RELN: variants seen among roughly 807,000 people sequenced by gnomAD.
RELN encodes the protein reelin.
Under a neutral mutation model 427.6 loss-of-function variants are expected in RELN, and 108 were observed. The observed-to-expected ratio is 0.25, with a 90% confidence interval of 0.22 to 0.30. RELN has a LOEUF of 0.30. RELN is among the 10% of genes least tolerant of loss of function. The probability of loss-of-function intolerance (pLI) is 1.00; values close to 1 mark genes in which losing one functional copy is unlikely to be tolerated. For missense variants in RELN, 3,715 were observed against 4,302.8 expected (o/e 0.86, Z 3.82); for synonymous variants, 1,524 against 1,513.4 (o/e 1.01, Z -0.16).
chr7:103,500,192 G>C (rs1371485678), intron 53 of RELN, among the ~76,000 whole-genome samples: 1 of 152,082 alleles, frequency 6.6e-6, no homozygotes, highest in Non-Finnish European at 1.5e-5. Flanking sequence ...AACTGTATTT[G>C]CTTTGCATAT....
chr7:103,668,631 T>C (rs942192184), intron 11 of RELN, among the ~76,000 whole-genome samples: 1 of 152,198 alleles, frequency 6.6e-6, no homozygotes, highest in African/African-American at 2.4e-5. Context: ...AAAATTCTTT[T>C]AAAAAAATTT....
chr7:103,943,799 G>A (rs1796162596), intron 1 of RELN, among the ~76,000 whole-genome samples: 1 of 122,446 alleles, frequency 8.2e-6, no homozygotes, highest in African/African-American at 3.2e-5. Context: ...TGTGAGCTGA[G>A]ATTATGCCAC....
At position 103,906,473 on chromosome 7, in the gene RELN, T is replaced by C. The variant is rs545272741; in HGVS notation, c.337+10602A>G. Among the ~76,000 whole-genome samples, 11 of 152,264 alleles carry C rather than the reference T, an allele frequency of 7.2e-5. No individual in the cohort carries two copies. In the South Asian group the frequency reaches 2.3e-3, roughly 32 times the overall value. ...CTTAGAATCCCCAAATATCTAAGCC[T>C]GATGAAAAGTAAGCCTAAAATAGGA... On this transcript the variant is annotated intron_variant, in intron 2 of 64. Transcript: ENST00000428762.
intron 1 of RELN, among the ~76,000 whole-genome samples, chr7:103,974,709 C>G (rs558632723): frequency 1.3e-5 from 2 of 152,114 alleles, no homozygotes; most frequent in African/African-American, 4.8e-5. Context: ...GGAAATTTGT[C>G]GAGTTTCCAT....
At chr7:103,966,990 C>T (rs1179187857) in intron 1 of RELN, among the ~76,000 whole-genome samples, 1 of 152,208 alleles carries the variant, frequency 6.6e-6, no homozygotes, top group African/African-American at 2.4e-5. Flanking sequence ...CTCTACCTTT[C>T]CTTCCTGTGT....
At chr7:103,494,394 G>GTGTGTGTGTGTGTGTGTGA (rs774896895) in intron 57 of RELN, among the ~76,000 whole-genome samples, 5 of 134,452 alleles carry the variant, frequency 3.7e-5, no homozygotes, top group African/African-American at 1.5e-4. Context: ...TGTGTGTGTG[G>GTGTGTGTGTGTGTGTGTGA]GATATGGTCT....
At chr7:103,608,204 AT>A (rs1831864464) in intron 22 of RELN, among the ~76,000 whole-genome samples, 1 of 152,236 alleles carries the variant, frequency 6.6e-6, no homozygotes, top group Non-Finnish European at 1.5e-5. Context: ...AATTATCAAA[AT>A]AAATAAAGTT....
intron 10 of RELN, 21 bp downstream of exon 10, chr7:103,697,832 A>G: frequency 1.9e-6 from 3 of 1,613,392 alleles, no homozygotes; most frequent in Non-Finnish European, 2.5e-6. Context: ...AAACAACCCA[A>G]AAACTAAAAA....
intron 10 of RELN, among the ~76,000 whole-genome samples, chr7:103,687,624 T>C (rs1055956563): frequency 2.0e-5 from 3 of 152,156 alleles, no homozygotes; most frequent in Non-Finnish European, 4.4e-5. Context: ...CTATGCAAGC[T>C]ATTGTGCTAG....
chr7:103,843,578 G>C (rs1793606881), intron 2 of RELN, among the ~76,000 whole-genome samples: 1 of 152,162 alleles, frequency 6.6e-6, no homozygotes, highest in African/African-American at 2.4e-5. Flanking sequence ...AACAGGAAGA[G>C]AGCCCTTCCT....
intron 1 of RELN, among the ~76,000 whole-genome samples, chr7:103,934,387 G>T (rs1235023618): frequency 6.6e-6 from 1 of 152,074 alleles, no homozygotes; most frequent in East Asian, 1.9e-4. Flanking sequence ...TTTGCCAGGA[G>T]CCCATTATTC....
chr7:103,740,876 C>T (rs1203649273), intron 6 of RELN, among the ~76,000 whole-genome samples: 1 of 151,338 alleles, frequency 6.6e-6, no homozygotes, highest in Non-Finnish European at 1.5e-5. Flanking sequence ...GGAAAATATG[C>T]TCTTATAAGT....
rs57282777 is a variant in RELN at position 103,920,593 on chromosome 7, T to TTTTGA, written c.227-3409_227-3408insTCAAA. Among the ~76,000 whole-genome samples the TTTTGA allele has an allele frequency of 3.0e-3, 382 of 129,384 alleles. 12 individuals are homozygous for TTTTGA. Among genetic ancestry groups the TTTTGA allele is most frequent in the African/African-American group, 0.01 (336 of 32,842 alleles). The allele number at this position is 129,384 out of a possible 152,430, so 84.9% of individuals were successfully genotyped here. A position where few individuals can be genotyped will look rare whatever the true frequency, so the allele number is the denominator to read the frequency against. On this transcript the variant is annotated intron_variant, in intron 1 of 64. Transcript: ENST00000428762. ...TTTTTTTTTTTGTTTTTTTTTTTTTTGAGAGAGTCTCGCTCTCTTACCCAG... is the reference window on the plus strand; with the variant it reads ...TTTTTTTTTTTGTTTTTTTTTTTTTTTTTGAGAGAGAGTCTCGCTCTCTTACCCAG...
chr7:103,474,602 T>C (rs925285205), intron 64 of RELN, among the ~76,000 whole-genome samples: 5 of 152,060 alleles, frequency 3.3e-5, no homozygotes, highest in Non-Finnish European at 7.4e-5. Flanking sequence ...CTATGTAAAA[T>C]TGAGTTACAA....
At chr7:103,474,349 T>C (rs1051003352) in intron 64 of RELN, among the ~76,000 whole-genome samples, 1 of 152,126 alleles carries the variant, frequency 6.6e-6, no homozygotes, top group Non-Finnish European at 1.5e-5. Context: ...CCCTGCTAGA[T>C]TTCAATAATA....
rs34257358 is a variant in RELN at position 103,783,164 on chromosome 7, CT to C, written c.474-6538del. ...ACAGTACTTTCTTTTCTCTTTCTTT[CT>C]TTTTTTTTTTTTTTAAGACAAAGTC... On this transcript the variant is annotated intron_variant, in intron 3 of 64. Transcript: ENST00000428762. Among the ~76,000 whole-genome samples the C allele has an allele frequency of 3.6e-3, 390 of 109,296 alleles. 2 individuals are homozygous for C. The highest frequency in any genetic ancestry group is 9.3e-3 in the African/African-American group (304 of 32,600). 71.7% of individuals were successfully genotyped at this position (109,296 alleles called of 152,430 possible).
At chr7:103,726,473 T>C (rs1436853748) in intron 7 of RELN, among the ~76,000 whole-genome samples, 1 of 152,142 alleles carries the variant, frequency 6.6e-6, no homozygotes, top group Non-Finnish European at 1.5e-5. Context: ...AATCCCACAT[T>C]AATTATAAAA....
At chr7:103,949,485 T>C (rs1796290901) in intron 1 of RELN, among the ~76,000 whole-genome samples, 1 of 152,114 alleles carries the variant, frequency 6.6e-6, no homozygotes, top group South Asian at 2.1e-4. Context: ...ACGCGATTAG[T>C]GCTCTTAGAG....
intron 2 of RELN, among the ~76,000 whole-genome samples, chr7:103,899,401 C>T (rs1051876197): frequency 2.6e-5 from 4 of 152,178 alleles, no homozygotes; most frequent in South Asian, 4.1e-4. Flanking sequence ...GAAACTATGC[C>T]GAACATTAGA....
Sources: allele counts gnomAD v4.1 joint callset (sites outside exome capture counted in the v4.1 genomes callset), GRCh38; gene constraint gnomAD v4.1.1; transcripts MANE v1.5; gene names NCBI Gene and HGNC (gene_info 2026-07-23, HGNC 2026-07-21).